PAM: variants seen among roughly 807,000 people sequenced by gnomAD.
The protein encoded by PAM is peptidylglycine alpha-amidating monooxygenase.
Under a neutral mutation model 122.1 loss-of-function variants are expected in PAM, and 72 were observed. The observed-to-expected ratio is 0.59, with a 90% CI of 0.49 to 0.72. The LOEUF (loss-of-function observed/expected upper bound fraction) is 0.72, where lower values mean the gene tolerates loss of function less well. Ranked by LOEUF, PAM falls within the 30% of genes least tolerant of loss-of-function variation. The pLI is 0.00. For missense variants in PAM, 1,106 were observed against 1,183.7 expected, an observed-to-expected ratio of 0.93 and a Z score of 0.96; for synonymous variants, 389 against 404.4, an observed-to-expected ratio of 0.96 and a Z score of 0.46.
At chr5:103,024,865 A>G (rs1784517742) in intron 23 of PAM, among the ~76,000 whole-genome samples, 2 of 152,200 alleles carry the variant, frequency 1.3e-5, no homozygotes, top group Admixed American at 1.3e-4. Flanking sequence ...AAAAGGATAT[A>G]TATTCTGTGG....
chr5:103,008,507 A>G (rs757098612), intron 20 of PAM, among the ~76,000 whole-genome samples: 29 of 152,276 alleles, frequency 1.9e-4, no homozygotes, highest in Non-Finnish European at 3.4e-4. Flanking sequence ...AAAATTCACA[A>G]TTAAAGGGCA....
Position 102,958,710 on chromosome 5 carries a change from G to T in PAM, c.906-1165G>T, listed in dbSNP as rs535195057. 7.2e-5 allele frequency among the ~76,000 whole-genome samples: 11 copies of T among 152,194 alleles called. No individual in the cohort carries two copies. The South Asian group carries it at 2.3e-3, about 32-fold the overall frequency. ...GGGGCTTATTCCTGTGGTCTCTCAA[G>T]GGCTCTATATTTTCAAAGCTTAGAG... On this transcript the variant is annotated intron_variant, in intron 12 of 25. Transcript: ENST00000438793.
intron 3 of PAM, among the ~76,000 whole-genome samples, chr5:102,896,635 A>G (rs1796295949): frequency 6.6e-6 from 1 of 151,740 alleles, no homozygotes; most frequent in South Asian, 2.1e-4. Flanking sequence ...ATTTTGGAGA[A>G]TCATTTGGGA....
At chr5:102,755,930 C>T (rs1227759773) in intron 1 of PAM, among the ~76,000 whole-genome samples, 1 of 152,068 alleles carries the variant, frequency 6.6e-6, no homozygotes, top group Non-Finnish European at 1.5e-5. Context: ...GCCGTTTTGC[C>T]AGCCTCCGAA....
intron 3 of PAM, among the ~76,000 whole-genome samples, chr5:102,886,292 C>G (rs1338811013): frequency 6.6e-6 from 1 of 151,694 alleles, no homozygotes; most frequent in Admixed American, 6.6e-5. Context: ...GGTTTTTTTG[C>G]GAGATAAATT....
intron 14 of PAM, among the ~76,000 whole-genome samples, chr5:102,962,368 T>A (rs1189333343): frequency 6.6e-6 from 1 of 151,856 alleles, no homozygotes; most frequent in Non-Finnish European, 1.5e-5. Flanking sequence ...AGTAAGCCAG[T>A]AATAGCAGCC....
chr5:102,941,635 C>G (rs535191168), intron 7 of PAM, among the ~76,000 whole-genome samples: 1 of 151,766 alleles, frequency 6.6e-6, no homozygotes, highest in Non-Finnish European at 1.5e-5. Flanking sequence ...CTGGAGAGTC[C>G]TCATGCTCAG....
chr5:103,019,400 A>T (rs940618418), intron 22 of PAM, among the ~76,000 whole-genome samples: 13 of 152,204 alleles, frequency 8.5e-5, no homozygotes, highest in African/African-American at 2.7e-4. Flanking sequence ...ATTTATTTGC[A>T]TCCTTGTAGT....
intron 18 of PAM, among the ~76,000 whole-genome samples, chr5:103,005,673 G>A (rs1028805921): frequency 6.6e-6 from 1 of 152,098 alleles, no homozygotes; most frequent in Non-Finnish European, 1.5e-5. Context: ...CCATCATATT[G>A]GGGGTTAGGA....
intron 14 of PAM, among the ~76,000 whole-genome samples, chr5:102,963,297 T>C (rs1310365671): frequency 2.0e-5 from 3 of 151,970 alleles, no homozygotes; most frequent in South Asian, 2.1e-4. Flanking sequence ...TTACAACACA[T>C]AGGGCAAATC....
intron 1 of PAM, among the ~76,000 whole-genome samples, chr5:102,808,615 A>G (rs530837644): frequency 6.6e-6 from 1 of 152,314 alleles, no homozygotes; most frequent in East Asian, 1.9e-4. Context: ...TTGGCATTTG[A>G]TATGTTTTAC....
intron 3 of PAM, among the ~76,000 whole-genome samples, chr5:102,897,089 A>C (rs988146321): frequency 6.6e-6 from 1 of 151,648 alleles, no homozygotes; most frequent in African/African-American, 2.4e-5. Flanking sequence ...CATAATCAAA[A>C]TTCTGGCCAA....
chr5:102,931,805 A>ACTCT (rs879417466), intron 7 of PAM, among the ~76,000 whole-genome samples: 4 of 140,278 alleles, frequency 2.9e-5, no homozygotes, highest in South Asian at 2.2e-4. Context: ...AACAAACAAC[A>ACTCT]CACTCTCTCT....
intron 15 of PAM, among the ~76,000 whole-genome samples, chr5:102,985,843 A>G (rs980082956): frequency 5.3e-5 from 8 of 152,290 alleles, no homozygotes; most frequent in Admixed American, 1.3e-4. Flanking sequence ...AAAATCCTCA[A>G]CACAGTACTA....
chr5:102,985,012 TAAA>T, intron 15 of PAM, among the ~76,000 whole-genome samples: 2 of 140,854 alleles, frequency 1.4e-5, no homozygotes, highest in Middle Eastern at 3.7e-3. Flanking sequence ...ATGAAGGAAA[TAAA>T]AAAAAAAATT....
intron 5 of PAM, among the ~76,000 whole-genome samples, chr5:102,919,043 GA>G (rs544017136): frequency 4.6e-5 from 7 of 151,570 alleles, no homozygotes; most frequent in Non-Finnish European, 7.4e-5. Context: ...GTTTTTTGAT[GA>G]AAAAAAATCC....
At chr5:102,879,124 G>T (rs372728317) in intron 3 of PAM, among the ~76,000 whole-genome samples, 1 of 151,840 alleles carries the variant, frequency 6.6e-6, no homozygotes, top group Admixed American at 6.6e-5. Flanking sequence ...TAGAGACGGG[G>T]TTTCACCATG....
chr5:103,022,417 G>T (rs1783818863), intron 23 of PAM, among the ~76,000 whole-genome samples: 1 of 152,020 alleles, frequency 6.6e-6, no homozygotes, highest in African/African-American at 2.4e-5. Flanking sequence ...GTGGTCTCTA[G>T]ACTTCTCTTC....
At chr5:102,972,825 T>A (rs1419629066) in intron 14 of PAM, among the ~76,000 whole-genome samples, 4 of 152,184 alleles carry the variant, frequency 2.6e-5, no homozygotes, top group Admixed American at 2.6e-4. Context: ...TATTACTTGG[T>A]AATTATTTTC....
Sources: gnomAD v4.1 joint callset for allele counts (sites outside exome capture counted in the v4.1 genomes callset) on GRCh38, gnomAD v4.1.1 for gene constraint, MANE v1.5 for transcripts, NCBI Gene and HGNC (gene_info 2026-07-23, HGNC 2026-07-21) for gene names.